LRRC7: variants seen among roughly 807,000 people sequenced by gnomAD.
LRRC7 encodes leucine rich repeat containing 7.
A neutral mutation model predicts 175.7 loss-of-function variants in LRRC7; 23 were observed. The ratio of observed to expected loss-of-function variants is 0.13; its 90% CI spans 0.09 to 0.19. The LOEUF (loss-of-function observed/expected upper bound fraction) is 0.19. LRRC7 is among the 10% of genes least tolerant of loss of function. The probability of loss-of-function intolerance (pLI) is 1.00; values close to 1 mark genes in which losing one functional copy is unlikely to be tolerated. For missense variants in LRRC7, 1,354 were observed against 1,904.7 expected, an observed-to-expected ratio of 0.71 and a Z score of 5.38; for synonymous variants, 685 against 680.9, an observed-to-expected ratio of 1.01 and a Z score of -0.09.
At chr1:69,910,158 A>C (rs1462889565) in intron 7 of LRRC7, among the ~76,000 whole-genome samples, 1 of 151,766 alleles carries the variant, frequency 6.6e-6, no homozygotes, top group Non-Finnish European at 1.5e-5. Flanking sequence ...TGGTTATTCT[A>C]GTTATCCATT....
intron 14 of LRRC7, among the ~76,000 whole-genome samples, chr1:70,017,498 C>A (rs1657068767): frequency 6.6e-6 from 1 of 152,006 alleles, no homozygotes; most frequent in Non-Finnish European, 1.5e-5. Context: ...TATTAGTCCT[C>A]TTTTTTCTTG....
intron 1 of LRRC7, among the ~76,000 whole-genome samples, chr1:69,582,460 C>A (rs972119359): frequency 3.3e-5 from 5 of 152,146 alleles, no homozygotes; most frequent in African/African-American, 1.2e-4. Context: ...AGGACAGGAG[C>A]AAGAGGCCAA....
rs1352070453 is a variant in LRRC7, at chr1:70,141,941, G to A, written c.*20054G>A. 1.3e-5 allele frequency: 2 copies of A among 152,018 alleles called. No homozygotes were observed. Among genetic ancestry groups the A allele is most frequent in the Non-Finnish European group, 2.9e-5 (2 of 67,954 alleles). The allele number at this position is 152,018 out of a possible 1,614,324, so 9.4% of individuals were successfully genotyped here. A position where few individuals can be genotyped will look rare whatever the true frequency, so the allele number is the denominator to read the frequency against. ...TGACCTTTTTAATAGCTTAACGAAA[G>A]CATTTGACAAATGGACAAAAGAAAT... On this transcript the variant is annotated 3_prime_UTR_variant, in exon 27 of 27. Transcript: ENST00000651989.
chr1:69,850,677 A>C (rs1315749257), intron 7 of LRRC7, among the ~76,000 whole-genome samples: 2 of 152,134 alleles, frequency 1.3e-5, no homozygotes, highest in South Asian at 4.1e-4. Flanking sequence ...GAACCAAGGC[A>C]CATTTCCAAA....
At chr1:70,108,105 T>A (rs1665266697) in intron 26 of LRRC7, among the ~76,000 whole-genome samples, 2 of 148,856 alleles carry the variant, frequency 1.3e-5, no homozygotes, top group African/African-American at 4.9e-5. Context: ...AATATATATA[T>A]TATATATATA....
At chr1:69,853,138 A>G (rs1250420089) in intron 7 of LRRC7, among the ~76,000 whole-genome samples, 1 of 152,108 alleles carries the variant, frequency 6.6e-6, no homozygotes, top group Non-Finnish European at 1.5e-5. Context: ...AATTATAAAT[A>G]CTATGTTCGA....
chr1:69,977,155 A>G (rs1215618556), intron 8 of LRRC7, among the ~76,000 whole-genome samples: 1 of 152,064 alleles, frequency 6.6e-6, no homozygotes, highest in Non-Finnish European at 1.5e-5. Context: ...ACCAAGTCCT[A>G]CCATTTTTAT....
At chr1:69,928,045 C>A (rs1030219460) in intron 7 of LRRC7, among the ~76,000 whole-genome samples, 9 of 152,144 alleles carry the variant, frequency 5.9e-5, no homozygotes, top group African/African-American at 2.2e-4. Context: ...AGCTGCAGGT[C>A]TGTTGGAGTT....
intron 2 of LRRC7, among the ~76,000 whole-genome samples, chr1:69,681,587 G>T (rs1298710974): frequency 1.3e-5 from 2 of 152,098 alleles, no homozygotes; most frequent in African/African-American, 4.8e-5. Flanking sequence ...ATGGATTATT[G>T]TGGAAGACAG....
chr1:70,002,519 G>A (rs976232949), intron 11 of LRRC7, among the ~76,000 whole-genome samples: 1 of 152,112 alleles, frequency 6.6e-6, no homozygotes, highest in Admixed American at 6.6e-5. Flanking sequence ...ATTTTGCCAT[G>A]TCTTCTCAAC....
At chr1:69,764,467 TAA>T (rs1435283214) in intron 3 of LRRC7, among the ~76,000 whole-genome samples, 1 of 151,938 alleles carries the variant, frequency 6.6e-6, no homozygotes, top group Non-Finnish European at 1.5e-5. Context: ...TAGCTACATG[TAA>T]AAGAGATGAG....
intron 1 of LRRC7, among the ~76,000 whole-genome samples, chr1:69,594,429 A>T (rs985653092): frequency 1.3e-5 from 2 of 152,194 alleles, no homozygotes; most frequent in Admixed American, 1.3e-4. Flanking sequence ...AAACAATCAC[A>T]TAAGTATTCT....
chr1:70,093,512 C>G (rs1664175440), intron 25 of LRRC7, among the ~76,000 whole-genome samples: 1 of 152,044 alleles, frequency 6.6e-6, no homozygotes. Flanking sequence ...TAATACATGC[C>G]TCTATCTGCA....
At chr1:69,673,981 AATATCATATTTATAT>A (rs1659449998) in intron 1 of LRRC7, among the ~76,000 whole-genome samples, 1 of 151,924 alleles carries the variant, frequency 6.6e-6, no homozygotes, top group Non-Finnish European at 1.5e-5. Flanking sequence ...TTTGAATATA[AATATCATATTTATAT>A]ATATTTTACA....
At chr1:69,895,366 C>T (rs908928014) in intron 7 of LRRC7, among the ~76,000 whole-genome samples, 3 of 152,024 alleles carry the variant, frequency 2.0e-5, no homozygotes, top group African/African-American at 7.2e-5. Flanking sequence ...TGATGTAAAC[C>T]TCCTATCTGG....
At chr1:69,662,506 CT>C (rs1030878773) in intron 1 of LRRC7, among the ~76,000 whole-genome samples, 4 of 152,168 alleles carry the variant, frequency 2.6e-5, no homozygotes, top group Non-Finnish European at 4.4e-5. Flanking sequence ...TAAATCATTG[CT>C]GCCCTTACAA....
chr1:70,059,559 CACCCCA>C (rs1265039809), intron 23 of LRRC7, among the ~76,000 whole-genome samples: 2 of 151,108 alleles, frequency 1.3e-5, no homozygotes, highest in African/African-American at 4.9e-5. Flanking sequence ...ACCCCACCCC[CACCCCA>C]ACCCCAAATT....
At chr1:69,766,334 C>A (rs1411572145) in intron 3 of LRRC7, among the ~76,000 whole-genome samples, 2 of 152,120 alleles carry the variant, frequency 1.3e-5, no homozygotes, top group Non-Finnish European at 2.9e-5. Flanking sequence ...ACAAAGAGAG[C>A]AATTTACTGT....
rs1276530431 is a variant in LRRC7 at position 70,127,070 on chromosome 1, A to G, written c.*5183A>G. Reference sequence around the variant, plus strand: ...AGGAACTTTCTTGGGTAACGCAGGAACCTGGAGTAGTAGCATTAACTAAGG... The same window carrying G: ...AGGAACTTTCTTGGGTAACGCAGGAGCCTGGAGTAGTAGCATTAACTAAGG... On this transcript the variant is annotated 3_prime_UTR_variant, in exon 27 of 27. Coordinates refer to ENST00000651989, the MANE Select transcript of LRRC7 (RefSeq NM_001370785.2). Among the ~76,000 whole-genome samples the G allele has an allele frequency of 2.0e-5, 3 of 152,220 alleles. No homozygotes were observed. The East Asian group carries it at 5.8e-4, about 29-fold the overall frequency.
Sources: gnomAD v4.1 joint callset for allele counts (sites outside exome capture counted in the v4.1 genomes callset) on GRCh38, gnomAD v4.1.1 for gene constraint, MANE v1.5 for transcripts, NCBI Gene and HGNC (gene_info 2026-07-23, HGNC 2026-07-21) for gene names.